The following IQGAP3 variants were observed in gnomAD, a reference collection of about 807,000 sequenced individuals.
The protein encoded by IQGAP3 is IQ motif containing GTPase activating protein 3.
A neutral mutation model predicts 208.2 loss-of-function variants in IQGAP3; 165 were observed. The observed-to-expected ratio is 0.79, with a 90% CI of 0.70 to 0.90. The LOEUF (loss-of-function observed/expected upper bound fraction) is 0.90. IQGAP3 is among the 40% of genes least tolerant of loss of function. IQGAP3 has a pLI of 0.00. For missense variants in IQGAP3, 1,811 were observed against 2,043.1 expected (o/e 0.89, Z 2.19); for synonymous variants, 703 against 803.6 (o/e 0.87, Z 2.12).
Position 156,528,546 on chromosome 1 carries a change from C to T in IQGAP3, c.4636G>A (p.Gly1546Ser), listed in dbSNP as rs903235425. ...AGATCTTCAATTTCCACCAAGACAC[C>T]CTTTTCCAGGAGCTGAGCAGCAGTG... ...HYTAAQLLEK[G>S]VLVEIEDLPA... The change falls in exon 36 of 38, where the codon GGT becomes AGT. Residue 1546 changes from glycine to serine, a missense_variant. Transcript: ENST00000361170. 2.5e-6 allele frequency: 4 copies of T among 1,613,932 alleles called. No homozygotes were observed. The highest frequency in any genetic ancestry group is 1.7e-5 in the Admixed American group (1 of 59,972).
chr1:156,551,870 T>C lies in IQGAP3; in HGVS notation c.1571-2A>G. Reference sequence around the variant, plus strand: ...TGATGAGGCTGACTGCAAGGACCCCTAAGAAAGAGAGATCTAGGTGGGCAG... The same window carrying C: ...TGATGAGGCTGACTGCAAGGACCCCCAAGAAAGAGAGATCTAGGTGGGCAG... On this transcript the variant is annotated splice_acceptor_variant, in intron 14 of 37. Coordinates refer to ENST00000361170, the MANE Select transcript of IQGAP3 (RefSeq NM_178229.5). LOFTEE classifies it high-confidence loss of function. The C allele has an allele frequency of 6.2e-7, 1 of 1,602,682 alleles. No individual in the cohort carries two copies. Among genetic ancestry groups the C allele is most frequent in the Non-Finnish European group, 8.5e-7 (1 of 1,172,778 alleles).
chr1:156,565,494 A>T (rs1299404045), intron 4 of IQGAP3, among the ~76,000 whole-genome samples: 2 of 152,220 alleles, frequency 1.3e-5, no homozygotes, highest in South Asian at 2.1e-4. Flanking sequence ...TCATGCCTTC[A>T]TTTGTATAGC....
chr1:156,535,065 G>T, intron 28 of IQGAP3, 98 bp downstream of exon 28: 2 of 935,946 alleles, frequency 2.1e-6, no homozygotes, highest in Non-Finnish European at 3.5e-6. Flanking sequence ...GATTTTTATG[G>T]CATAGGATTT....
intron 36 of IQGAP3, 74 bp from the exon 37 acceptor site, chr1:156,528,134 G>T: frequency 8.8e-7 from 1 of 1,136,192 alleles, no homozygotes; most frequent in Non-Finnish European, 1.3e-6. Flanking sequence ...TGCACCCACT[G>T]CTCCTCATCC....
In IQGAP3 at chr1:156,548,115, G is replaced by A. The variant is rs1184049432; in HGVS notation, c.2262C>T (p.Ser754=). ...FLVRQKFAEH[S]HFLRTWLPAV... ...CTGGGAGCCAGGTCCTCAGAAAGTGGGAATGCTCAGCAAACTTCTGCCGAA... is the reference window on the plus strand; with the variant it reads ...CTGGGAGCCAGGTCCTCAGAAAGTGAGAATGCTCAGCAAACTTCTGCCGAA... The change falls in exon 19 of 38, where the codon TCC becomes TCT. Residue 754 remains serine, a synonymous_variant. Transcript: ENST00000361170. 27 of 1,613,664 alleles carry A rather than the reference G, an allele frequency of 1.7e-5. No homozygotes were observed. Among genetic ancestry groups the A allele is most frequent in the Non-Finnish European group, 2.1e-5 (25 of 1,179,846 alleles).
chr1:156,527,293 A>AAT (rs1357044840), intron 37 of IQGAP3, among the ~76,000 whole-genome samples: 4 of 151,708 alleles, frequency 2.6e-5, no homozygotes, highest in Non-Finnish European at 5.9e-5. Flanking sequence ...CAGCCTGACC[A>AAT]ACATGGTGAA....
intron 37 of IQGAP3, among the ~76,000 whole-genome samples, chr1:156,527,020 A>G (rs555831446): frequency 6.6e-6 from 1 of 151,434 alleles, no homozygotes; most frequent in South Asian, 2.1e-4. Context: ...TTTAGTAGAG[A>G]CAGGGTTTCA....
chr1:156,566,214 G>C (rs1571365852), intron 3 of IQGAP3, 110 bp from the exon 4 acceptor site: 1 of 1,232,116 alleles, frequency 8.1e-7, no homozygotes, highest in East Asian at 2.3e-5. Context: ...AGGGGAACCA[G>C]AGGACCACAT....
chr1:156,556,551 C>A lies in IQGAP3; in HGVS notation c.1272G>T (p.Val424=). 6.2e-7 allele frequency: 1 copy of A among 1,614,152 alleles called. No individual in the cohort carries two copies. The highest frequency in any genetic ancestry group is 8.5e-7 in the Non-Finnish European group (1 of 1,180,026). ...ASSMYQLELA[V]LQQQQGELGQ... ...GGCTTACCCCCTGCTGCTGCTGGAG[C>A]ACTGCCAGCTCCAGCTGGTACATAG... The change falls in exon 12 of 38, where the codon GTG becomes GTT. Residue 424 remains valine, a synonymous_variant. Transcript: ENST00000361170.
rs202218482 is a variant in IQGAP3, at chr1:156,534,570, G to A, written c.3671C>T (p.Ala1224Val). Residue 1224 changes from alanine to valine, a missense_variant, in exon 29 of 38, where the codon GCC (alanine) becomes GTC (valine). Ala to Val is a moderately conservative substitution (Grantham distance 64). Transcript: ENST00000361170. ...QLLQHAAAGK[A>V]FSGQSQHLRV... ...TAGGTGCTGGCTCTGCCCAGAGAAG[G>A]CCTTGCCAGCCGCAGCGTGCTGTAG... 1.1e-5 allele frequency: 17 copies of A among 1,612,104 alleles called. No homozygotes were observed. In the African/African-American group the frequency reaches 1.5e-4, roughly 14 times the overall value.
At position 156,572,530 on chromosome 1, in the gene IQGAP3, G is replaced by C. The variant is rs1296669635; in HGVS notation, c.-1C>G. ...CTGGGCCCGCTGCTCTCCTCTCCAT[G>C]TTCCTCCTTCTTCCAGGTTTGAATC... On this transcript the variant is annotated 5_prime_UTR_variant, in exon 1 of 38. Transcript: ENST00000361170. 2.5e-6 allele frequency: 4 copies of C among 1,612,780 alleles called. No individual in the cohort carries two copies. The South Asian group carries it at 4.4e-5, about 18-fold the overall frequency.
intron 11 of IQGAP3, among the ~76,000 whole-genome samples, chr1:156,560,070 G>A (rs1377270261): frequency 6.6e-6 from 1 of 152,218 alleles, no homozygotes; most frequent in Non-Finnish European, 1.5e-5. Flanking sequence ...AAACCTGACA[G>A]CAAGTCCAGA....
chr1:156,538,543 C>G (rs966772385), intron 26 of IQGAP3, among the ~76,000 whole-genome samples: 2 of 152,206 alleles, frequency 1.3e-5, no homozygotes, highest in Admixed American at 1.3e-4. Flanking sequence ...AGCAATTAAG[C>G]ACATTTGCAT....
chr1:156,533,792 G>T lies in IQGAP3; in HGVS notation c.3957C>A (p.Pro1319=), dbSNP rs1250239062. The change falls in exon 31 of 38, where the codon CCC becomes CCA. Residue 1319 remains proline (P), a synonymous_variant. Coordinates refer to ENST00000361170, the MANE Select transcript of IQGAP3 (RefSeq NM_178229.5). ...HELLEDLGEL[P]TIPDLIGESI... ...ACGTACCAATAAGGTCAGGGATGGT[G>T]GGCAGCTCCCCAAGATCCTCCAGGA... 1.2e-6 allele frequency: 2 copies of T among 1,613,460 alleles called. No individual in the cohort carries two copies. Among genetic ancestry groups the T allele is most frequent in the Non-Finnish European group, 1.7e-6 (2 of 1,179,790 alleles).
At chr1:156,541,987 G>A (rs1172238649) in intron 22 of IQGAP3, among the ~76,000 whole-genome samples, 1 of 152,180 alleles carries the variant, frequency 6.6e-6, no homozygotes, top group Non-Finnish European at 1.5e-5. Flanking sequence ...ACACAGTGCA[G>A]AAGGTGTAGG....
At position 156,526,200 on chromosome 1, in the gene IQGAP3, C is replaced by T. The variant is rs1674047928; in HGVS notation, c.*286G>A. On this transcript the variant is annotated 3_prime_UTR_variant, in exon 38 of 38. Transcript: ENST00000361170. Reference sequence around the variant, plus strand: ...AGCAGACACAAGAGTAATGGCTTTCCCAGGTCAAGGTCCATGTCCTACCAT... The same window carrying T: ...AGCAGACACAAGAGTAATGGCTTTCTCAGGTCAAGGTCCATGTCCTACCAT... The T allele has an allele frequency of 2.7e-6, 1 of 370,330 alleles. No individual in the cohort carries two copies. The highest frequency in any genetic ancestry group is 2.0e-5 in the African/African-American group (1 of 49,688). 22.9% of individuals were successfully genotyped at this position (370,330 alleles called of 1,614,324 possible).
chr1:156,544,727 C>A (rs192558531), intron 19 of IQGAP3, among the ~76,000 whole-genome samples: 3 of 152,276 alleles, frequency 2.0e-5, no homozygotes, highest in Non-Finnish European at 2.9e-5. Context: ...CACCCACACA[C>A]CTCTAACCAA....
At position 156,547,979 on chromosome 1, in the gene IQGAP3, G is replaced by A. The variant is rs57030811; in HGVS notation, c.2304+94C>T. ...ACCACTACTATTCAGAGGCCGAAAG[G>A]TCATTCCCATGTCAGTAAAAAGGAA... On this transcript the variant is annotated intron_variant, in intron 19 of 37. Coordinates refer to ENST00000361170, the MANE Select transcript of IQGAP3 (RefSeq NM_178229.5). 1.5e-3 allele frequency: 1,777 copies of A among 1,169,110 alleles called. 23 individuals carry two copies. The African/African-American group carries it at 0.024, about 16-fold the overall frequency. The allele number at this position is 1,169,110 out of a possible 1,614,324, so 72.4% of individuals were successfully genotyped here.
chr1:156,529,374 T>C (rs150901299), intron 34 of IQGAP3, among the ~76,000 whole-genome samples: 239 of 152,296 alleles, frequency 1.6e-3, no homozygotes, highest in African/African-American at 5.3e-3. Context: ...TTCATGCTCT[T>C]GTGTGAGATA....
Sources: gnomAD v4.1 joint callset for allele counts (sites outside exome capture counted in the v4.1 genomes callset) on GRCh38, gnomAD v4.1.1 for gene constraint, MANE v1.5 for transcripts, NCBI Gene and HGNC (gene_info 2026-07-23, HGNC 2026-07-21) for gene names.